Variants in FRAS1 observed in about 807,000 individuals in gnomAD.
FRAS1 encodes the protein extracellular matrix organizing protein FRAS1.
Under a neutral mutation model 435.2 loss-of-function variants are expected in FRAS1, and 290 were observed. The ratio of observed to expected loss-of-function variants is 0.67; its 90% CI spans 0.61 to 0.73. The LOEUF (loss-of-function observed/expected upper bound fraction) is 0.73. Among genes scored for constraint, FRAS1 ranks in the 30% least tolerant of loss-of-function variants. FRAS1 has a pLI of 0.00. For synonymous variants in FRAS1, 1,800 were observed against 1,851.0 expected (o/e 0.97, Z 0.71); for missense variants, 4,860 against 5,001.5 (o/e 0.97, Z 0.85).
rs147437258 is a variant in FRAS1 at position 78,232,159 on chromosome 4, A to T, written c.109-5351A>T. Among the ~76,000 whole-genome samples the T allele has an allele frequency of 7.9e-5, 12 of 152,314 alleles. No homozygotes were observed. In the East Asian group the frequency reaches 2.3e-3, roughly 29 times the overall value. ...TCATAAAGCAACTTTATGTGACCAT[A>T]TAATTGATTTGTAAAGATTAAGACC... On this transcript the variant is annotated intron_variant, in intron 2 of 73. Coordinates refer to ENST00000512123, the MANE Select transcript of FRAS1 (RefSeq NM_025074.7).
intron 2 of FRAS1, among the ~76,000 whole-genome samples, chr4:78,236,803 C>T (rs934160042): frequency 6.6e-6 from 1 of 152,158 alleles, no homozygotes; most frequent in Non-Finnish European, 1.5e-5. Context: ...CCATTGTTTT[C>T]CTTTCCAATT....
intron 2 of FRAS1, among the ~76,000 whole-genome samples, chr4:78,182,889 A>G (rs1323475929): frequency 1.3e-5 from 1 of 76,288 alleles, no homozygotes; most frequent in Non-Finnish European, 2.9e-5. Flanking sequence ...CAAAAAAAAG[A>G]AAAAAAGAAA....
In FRAS1 at chr4:78,445,437, G is replaced by A. The variant is rs370768747; in HGVS notation, c.5666-85G>A. The A allele has an allele frequency of 4.2e-5, 59 of 1,409,232 alleles. No homozygotes were observed. The East Asian group carries it at 6.6e-4, about 16-fold the overall frequency. The allele number at this position is 1,409,232 out of a possible 1,614,324, so 87.3% of individuals were successfully genotyped here. A position where few individuals can be genotyped will look rare whatever the true frequency, so the allele number is the denominator to read the frequency against. ...CAAATACATTTTCTTTTTTTTTGCCGAAAATGATACCTTGTTTTCTAGTTC... is the reference window on the plus strand; with the variant it reads ...CAAATACATTTTCTTTTTTTTTGCCAAAAATGATACCTTGTTTTCTAGTTC... On this transcript the variant is annotated intron_variant, in intron 41 of 73. Coordinates refer to ENST00000512123, the MANE Select transcript of FRAS1 (RefSeq NM_025074.7).
chr4:78,103,527 G>T (rs748964465), intron 2 of FRAS1, among the ~76,000 whole-genome samples: 1 of 152,128 alleles, frequency 6.6e-6, no homozygotes, highest in Non-Finnish European at 1.5e-5. Context: ...ATTATAGTTT[G>T]CTATGGTTTG....
At chr4:78,443,007 T>C (rs1300059031) in intron 41 of FRAS1, among the ~76,000 whole-genome samples, 1 of 152,192 alleles carries the variant, frequency 6.6e-6, no homozygotes, top group Non-Finnish European at 1.5e-5. Context: ...TCTTGCCCCA[T>C]GGAAGAGGCT....
rs1721982056 is a variant in FRAS1 at position 78,539,427 on chromosome 4, A to G, written c.11432A>G (p.Asp3811Gly). The G allele has an allele frequency of 6.2e-7, 1 of 1,610,932 alleles. No homozygotes were observed. Among genetic ancestry groups the G allele is most frequent in the Non-Finnish European group, 8.5e-7 (1 of 1,178,702 alleles). The change falls in exon 73 of 74, where the codon GAT (aspartate) becomes GGT (glycine). Residue 3811 changes from aspartate (D) to glycine (G), a missense_variant. Asp to Gly is a moderately conservative substitution (Grantham distance 94, BLOSUM62 -1). Coordinates refer to ENST00000512123, the MANE Select transcript of FRAS1 (RefSeq NM_025074.7). ...PGVDGFTLKV[D>G]ALYKVEAGHQ... The stretch of plus-strand genomic sequence containing the variant: ...GTGGATGGATTTACTCTAAAAGTAG[A>G]TGCACTCTATAAGGTGAGTTTGGTG...
chr4:78,163,522 C>T (rs1270542775), intron 2 of FRAS1, among the ~76,000 whole-genome samples: 1 of 152,090 alleles, frequency 6.6e-6, no homozygotes, highest in Non-Finnish European at 1.5e-5. Flanking sequence ...GAACTGGTTT[C>T]CTTCTAAGTT....
At chr4:78,111,982 T>C (rs550496592) in intron 2 of FRAS1, among the ~76,000 whole-genome samples, 1 of 152,282 alleles carries the variant, frequency 6.6e-6, no homozygotes, top group South Asian at 2.1e-4. Flanking sequence ...CTTAAGAATG[T>C]ATGTTTTAAA....
At chr4:78,400,601 ACT>A in intron 29 of FRAS1, 131 bp from the exon 30 acceptor site, 1 of 753,818 alleles carries the variant, frequency 1.3e-6, no homozygotes, top group African/African-American at 1.9e-5. Flanking sequence ...CTATAGAGTG[ACT>A]CTGAAGCTGT....
intron 1 of FRAS1, among the ~76,000 whole-genome samples, chr4:78,065,301 T>A (rs1739979212): frequency 6.6e-6 from 1 of 150,482 alleles, no homozygotes; most frequent in Non-Finnish European, 1.5e-5. Context: ...ATGGTATATA[T>A]AGTGTATATA....
rs1351326263 is a variant in FRAS1, at chr4:78,255,224, G to C, written c.470-18G>C. 3 of 1,551,632 alleles carry C rather than the reference G, an allele frequency of 1.9e-6. No individual in the cohort carries two copies. The highest frequency in any genetic ancestry group is 1.7e-6 in the Non-Finnish European group (2 of 1,146,922). Reference sequence around the variant, plus strand: ...AAATGCCATCCCCCTAGTAATCCTTGTTTCTTTGACCTTCCAGAACCCTGT... The same window carrying C: ...AAATGCCATCCCCCTAGTAATCCTTCTTTCTTTGACCTTCCAGAACCCTGT... On this transcript the variant is annotated intron_variant, in intron 5 of 73. Coordinates refer to ENST00000512123, the MANE Select transcript of FRAS1 (RefSeq NM_025074.7).
chr4:78,473,011 T>C (rs1027853387), intron 52 of FRAS1, among the ~76,000 whole-genome samples: 18 of 152,214 alleles, frequency 1.2e-4, no homozygotes, highest in African/African-American at 4.3e-4. Context: ...CCCCAGCTAT[T>C]CTTATTAGCA....
chr4:78,093,752 T>G (rs545834393), intron 2 of FRAS1, among the ~76,000 whole-genome samples: 1 of 152,198 alleles, frequency 6.6e-6, no homozygotes, highest in East Asian at 1.9e-4. Flanking sequence ...AACATAGTTA[T>G]GAAGACAAAA....
At chr4:78,296,742 G>A (rs1239832343) in intron 14 of FRAS1, among the ~76,000 whole-genome samples, 1 of 152,102 alleles carries the variant, frequency 6.6e-6, no homozygotes. Context: ...CTTTCCTGTA[G>A]TCTTTTCCAT....
chr4:78,386,083 A>G (rs1354085411), intron 28 of FRAS1, among the ~76,000 whole-genome samples: 1 of 152,200 alleles, frequency 6.6e-6, no homozygotes, highest in East Asian at 1.9e-4. Context: ...CTAATCTGAC[A>G]TGGTGAGTTC....
chr4:78,208,729 T>G (rs542783590), intron 2 of FRAS1, among the ~76,000 whole-genome samples: 1 of 152,292 alleles, frequency 6.6e-6, no homozygotes, highest in Admixed American at 6.5e-5. Context: ...TATATTAAAC[T>G]TTTTCTACAT....
intron 2 of FRAS1, among the ~76,000 whole-genome samples, chr4:78,215,217 G>C (rs1723710280): frequency 6.6e-6 from 1 of 151,906 alleles, no homozygotes; most frequent in African/African-American, 2.4e-5. Flanking sequence ...ATTATTTTGA[G>C]ATGGAGTCTT....
chr4:78,195,056 G>C (rs1722740083), intron 2 of FRAS1, among the ~76,000 whole-genome samples: 1 of 152,190 alleles, frequency 6.6e-6, no homozygotes, highest in Non-Finnish European at 1.5e-5. Flanking sequence ...CTGTTTGCCT[G>C]GGTATCAGAA....
At chr4:78,355,524 G>A (rs924676202) in intron 20 of FRAS1, among the ~76,000 whole-genome samples, 3 of 152,090 alleles carry the variant, frequency 2.0e-5, no homozygotes, top group Non-Finnish European at 2.9e-5. Context: ...ACGGATACAC[G>A]CTCCCTATTT....
Sources: allele counts gnomAD v4.1 joint callset (sites outside exome capture counted in the v4.1 genomes callset), GRCh38; gene constraint gnomAD v4.1.1; transcripts MANE v1.5; gene names NCBI Gene and HGNC (gene_info 2026-07-23, HGNC 2026-07-21).